IGFBP7: variants seen among roughly 807,000 people sequenced by gnomAD.
IGFBP7 encodes insulin like growth factor binding protein 7.
In IGFBP7, 31 loss-of-function variants were observed where a neutral mutation model predicts 29.4. The observed-to-expected ratio is 1.05, with a 90% CI of 0.79 to 1.42. IGFBP7 has a LOEUF of 1.42. Among genes scored for constraint, IGFBP7 ranks in the 40% most tolerant of loss-of-function variants. The pLI is 0.00. For synonymous variants in IGFBP7, 172 were observed against 174.9 expected, an observed-to-expected ratio of 0.98 and a Z score of 0.13; for missense variants, 393 against 395.5, an observed-to-expected ratio of 0.99 and a Z score of 0.05.
intron 1 of IGFBP7, among the ~76,000 whole-genome samples, chr4:57,098,566 T>C (rs926226984): frequency 6.6e-6 from 1 of 152,206 alleles, no homozygotes; most frequent in African/African-American, 2.4e-5. Flanking sequence ...GGCTCTGATC[T>C]GAGACACAAC....
chr4:57,065,470 A>G (rs1724895693), intron 1 of IGFBP7: 1 of 152,232 alleles, frequency 6.6e-6, no homozygotes, highest in Admixed American at 6.5e-5. Context: ...CTTCATGACA[A>G]GAAGAGAAAG....
intron 1 of IGFBP7, among the ~76,000 whole-genome samples, chr4:57,055,272 G>A (rs1441897840): frequency 6.6e-6 from 1 of 152,030 alleles, no homozygotes; most frequent in Non-Finnish European, 1.5e-5. Context: ...TGGGTGTGTC[G>A]AAAAAAATGC....
At chr4:57,063,857 G>GT (rs1724853621) in intron 1 of IGFBP7, among the ~76,000 whole-genome samples, 1 of 152,122 alleles carries the variant, frequency 6.6e-6, no homozygotes, top group African/African-American at 2.4e-5. Flanking sequence ...AACATAGATC[G>GT]TAAGTTAAAT....
intron 1 of IGFBP7, among the ~76,000 whole-genome samples, chr4:57,075,398 C>T (rs1054491960): frequency 4.0e-5 from 6 of 150,818 alleles, no homozygotes; most frequent in South Asian, 4.2e-4. Context: ...TTTTGCCAGG[C>T]TTAGGATATC....
At chr4:57,100,654 T>C (rs1725876087) in intron 1 of IGFBP7, among the ~76,000 whole-genome samples, 1 of 152,216 alleles carries the variant, frequency 6.6e-6, no homozygotes, top group Non-Finnish European at 1.5e-5. Flanking sequence ...AAACAAAATA[T>C]AGGCAAAATA....
At chr4:57,109,422 T>G (rs1726116146) in intron 1 of IGFBP7, among the ~76,000 whole-genome samples, 1 of 151,848 alleles carries the variant, frequency 6.6e-6, no homozygotes, top group African/African-American at 2.4e-5. Flanking sequence ...CAGAGCAAGA[T>G]CCTATCTTTT....
intron 1 of IGFBP7, among the ~76,000 whole-genome samples, chr4:57,087,602 C>T (rs1012210092): frequency 6.6e-6 from 1 of 152,172 alleles, no homozygotes; most frequent in African/African-American, 2.4e-5. Flanking sequence ...ACTGACACAG[C>T]TATACGCAAG....
Position 57,033,274 on chromosome 4 carries a change from A to T in IGFBP7, c.623T>A (p.Leu208His). Reference sequence around the variant, plus strand: ...CAGGTTGTCCCGGTCACCAGGCAGGAGTTCTGTCCTTTGAACTCCATAGTG... The same window carrying T: ...CAGGTTGTCCCGGTCACCAGGCAGGTGTTCTGTCCTTTGAACTCCATAGTG... ...RGHYGVQRTE[L>H]LPGDRDNLAI... The change falls in exon 3 of 5, where the codon CTC becomes CAC. Residue 208 changes from leucine (L) to histidine (H), a missense_variant. Transcript: ENST00000295666. The T allele has an allele frequency of 6.2e-7, 1 of 1,614,144 alleles. No individual in the cohort carries two copies. Among genetic ancestry groups the T allele is most frequent in the Non-Finnish European group, 8.5e-7 (1 of 1,179,990 alleles).
Position 57,110,381 on chromosome 4 carries a change from C to G in IGFBP7, c.-30G>C, listed in dbSNP as rs1275163103. The G allele has an allele frequency of 5.4e-6, 7 of 1,297,624 alleles. No individual in the cohort carries two copies. The highest frequency in any genetic ancestry group is 3.1e-5 in the African/African-American group (2 of 64,706). 80.4% of individuals were successfully genotyped at this position (1,297,624 alleles called of 1,614,324 possible). A position where few individuals can be genotyped will look rare whatever the true frequency, so the allele number is the denominator to read the frequency against. On this transcript the variant is annotated 5_prime_UTR_variant, in exon 1 of 5. Transcript: ENST00000295666. Reference sequence around the variant, plus strand: ...GGGTGCGGTGGCAGCGGCAAGGGCGCGAGTGAGCCGTGTCGGGCCGGCCGG... The same window carrying G: ...GGGTGCGGTGGCAGCGGCAAGGGCGGGAGTGAGCCGTGTCGGGCCGGCCGG...
intron 1 of IGFBP7, among the ~76,000 whole-genome samples, chr4:57,080,920 T>C (rs535708037): frequency 6.6e-6 from 1 of 152,304 alleles, no homozygotes; most frequent in East Asian, 1.9e-4. Flanking sequence ...GCCAAGGGGA[T>C]ATCTCTGTTG....
At chr4:57,054,034 A>G (rs1157419184) in intron 1 of IGFBP7, among the ~76,000 whole-genome samples, 1 of 151,898 alleles carries the variant, frequency 6.6e-6, no homozygotes, top group Non-Finnish European at 1.5e-5. Flanking sequence ...TTGGGATGAG[A>G]TCTTGTTACA....
At chr4:57,099,571 C>G (rs1051280166) in intron 1 of IGFBP7, among the ~76,000 whole-genome samples, 2 of 152,114 alleles carry the variant, frequency 1.3e-5, no homozygotes, top group Non-Finnish European at 2.9e-5. Context: ...TTTCCTCTAG[C>G]CTACTCAGAG....
chr4:57,037,643 G>A (rs940617646), intron 2 of IGFBP7, among the ~76,000 whole-genome samples: 1 of 152,108 alleles, frequency 6.6e-6, no homozygotes, highest in East Asian at 1.9e-4. Context: ...AAAGATTCCC[G>A]AGGCAGACGT....
rs372391568 is a variant in IGFBP7 at position 57,104,621 on chromosome 4, G to A, written c.475+5256C>T. On this transcript the variant is annotated intron_variant, in intron 1 of 4. Transcript: ENST00000295666. ...TAAAATGAGCTTCTCAAAGAATGGAGGTTTAAAACTCATCAAATAAAATGA... is the reference window on the plus strand; with the variant it reads ...TAAAATGAGCTTCTCAAAGAATGGAAGTTTAAAACTCATCAAATAAAATGA... Among the ~76,000 whole-genome samples the A allele has an allele frequency of 3.6e-4, 55 of 152,224 alleles. No homozygotes were observed. The East Asian group carries it at 6.8e-3, about 19-fold the overall frequency.
intron 1 of IGFBP7, among the ~76,000 whole-genome samples, chr4:57,078,094 C>T (rs1347927483): frequency 6.6e-6 from 1 of 152,108 alleles, no homozygotes; most frequent in African/African-American, 2.4e-5. Context: ...TCTTTTCCCC[C>T]CTCAACTCAT....
At chr4:57,055,129 A>C (rs895580065) in intron 1 of IGFBP7, among the ~76,000 whole-genome samples, 1 of 152,330 alleles carries the variant, frequency 6.6e-6, no homozygotes. Flanking sequence ...AAAAGATTTC[A>C]TAGCGGGGCA....
chr4:57,048,314 A>G (rs945190514), intron 1 of IGFBP7, among the ~76,000 whole-genome samples: 3 of 152,156 alleles, frequency 2.0e-5, no homozygotes, highest in Admixed American at 6.5e-5. Flanking sequence ...CTCCCAAAGT[A>G]CTGGGATTAC....
intron 1 of IGFBP7, among the ~76,000 whole-genome samples, chr4:57,109,293 G>T (rs1005725042): frequency 6.6e-5 from 10 of 151,898 alleles, no homozygotes; most frequent in African/African-American, 2.4e-4. Flanking sequence ...CCAAAAATTG[G>T]CCAGGCGTGG....
At chr4:57,093,665 A>C (rs543074374) in intron 1 of IGFBP7, among the ~76,000 whole-genome samples, 1 of 152,228 alleles carries the variant, frequency 6.6e-6, no homozygotes, top group East Asian at 1.9e-4. Context: ...GAGTGAAGTG[A>C]ATTTACTGCA....
Sources: gnomAD v4.1 joint callset for allele counts (sites outside exome capture counted in the v4.1 genomes callset) on GRCh38, gnomAD v4.1.1 for gene constraint, MANE v1.5 for transcripts, NCBI Gene and HGNC (gene_info 2026-07-23, HGNC 2026-07-21) for gene names.